NOL4: variants seen among roughly 807,000 people sequenced by gnomAD.
NOL4 encodes nucleolar protein 4.
Under a neutral mutation model 75.9 loss-of-function variants are expected in NOL4, and 17 were observed. That is an observed-to-expected ratio of 0.22 (90% confidence interval 0.15 to 0.34). The LOEUF (loss-of-function observed/expected upper bound fraction) is 0.34, where lower values mean the gene tolerates loss of function less well. Ranked by LOEUF, NOL4 falls within the 10% of genes least tolerant of loss-of-function variation. NOL4 has a pLI of 1.00. For synonymous variants in NOL4, 292 were observed against 289.9 expected (o/e 1.01, Z -0.07); for missense variants, 614 against 793.5 (o/e 0.77, Z 2.72).
intron 1 of NOL4, among the ~76,000 whole-genome samples, chr18:34,165,880 T>C (rs1350819969): frequency 6.6e-6 from 1 of 152,002 alleles, no homozygotes; most frequent in Non-Finnish European, 1.5e-5. Context: ...ATAGGCTTTT[T>C]AAAGTATGTC....
At chr18:34,155,356 A>T (rs536705973) in intron 1 of NOL4, among the ~76,000 whole-genome samples, 42 of 152,098 alleles carry the variant, frequency 2.8e-4, no homozygotes, top group Admixed American at 4.6e-4. Context: ...CATGAAGGAT[A>T]CTAATAACTT....
chr18:33,902,627 C>G (rs74560092), intron 9 of NOL4, among the ~76,000 whole-genome samples: 1 of 152,088 alleles, frequency 6.6e-6, no homozygotes, highest in African/African-American at 2.4e-5. Context: ...CTGGGACACA[C>G]TTTTCCTGTG....
chr18:33,975,155 G>A (rs1349341647), intron 6 of NOL4, among the ~76,000 whole-genome samples: 3 of 152,164 alleles, frequency 2.0e-5, no homozygotes, highest in African/African-American at 7.2e-5. Flanking sequence ...ATAGTTACCA[G>A]TGGCTGGGAG....
At chr18:34,166,864 C>T (rs1220958458) in intron 1 of NOL4, among the ~76,000 whole-genome samples, 3 of 59,494 alleles carry the variant, frequency 5.0e-5, no homozygotes, top group Non-Finnish European at 7.4e-5. Context: ...GGTGAAACCC[C>T]GTCTCTACTA....
intron 9 of NOL4, among the ~76,000 whole-genome samples, chr18:33,897,104 G>A (rs539393031): frequency 6.6e-6 from 1 of 152,094 alleles, no homozygotes; most frequent in East Asian, 1.9e-4. Context: ...TTACTAAAAA[G>A]TCAAAAAGTA....
chr18:34,131,797 A>C (rs1600685116), intron 1 of NOL4, among the ~76,000 whole-genome samples: 1 of 152,180 alleles, frequency 6.6e-6, no homozygotes, highest in Non-Finnish European at 1.5e-5. Flanking sequence ...CCCAGATACT[A>C]CTAAACCCTC....
chr18:34,206,329 G>A (rs1459018649), intron 1 of NOL4, among the ~76,000 whole-genome samples: 1 of 152,086 alleles, frequency 6.6e-6, no homozygotes, highest in Non-Finnish European at 1.5e-5. Flanking sequence ...TAGAATAAGA[G>A]TAATCTACTT....
chr18:33,954,859 G>A (rs1291615461), intron 8 of NOL4, among the ~76,000 whole-genome samples: 1 of 151,926 alleles, frequency 6.6e-6, no homozygotes, highest in Non-Finnish European at 1.5e-5. Flanking sequence ...TCCCTGAAGT[G>A]GAAAAGGTAA....
chr18:33,959,793 T>G (rs562175155), intron 6 of NOL4, among the ~76,000 whole-genome samples: 1 of 152,130 alleles, frequency 6.6e-6, no homozygotes, highest in South Asian at 2.1e-4. Flanking sequence ...ATTCTACAGA[T>G]AAGGAAACAG....
chr18:34,025,165 C>A (rs541926085), intron 5 of NOL4, among the ~76,000 whole-genome samples: 1 of 152,146 alleles, frequency 6.6e-6, no homozygotes, highest in Admixed American at 6.5e-5. Flanking sequence ...TTCCCTTTAT[C>A]AAAACTAATA....
chr18:34,212,272 C>A (rs1370371178), intron 1 of NOL4, among the ~76,000 whole-genome samples: 2 of 152,062 alleles, frequency 1.3e-5, no homozygotes, highest in Non-Finnish European at 2.9e-5. Flanking sequence ...GTCAAATAAT[C>A]TGTGAGAGCT....
intron 1 of NOL4, among the ~76,000 whole-genome samples, chr18:34,150,962 A>G (rs1347612238): frequency 6.6e-6 from 1 of 151,872 alleles, no homozygotes; most frequent in East Asian, 1.9e-4. Context: ...ACCTCACCAA[A>G]GAAGATGCTC....
intron 1 of NOL4, among the ~76,000 whole-genome samples, chr18:34,148,127 G>A (rs148412240): frequency 2.6e-3 from 395 of 151,726 alleles, no homozygotes; most frequent in Non-Finnish European, 4.1e-3. Flanking sequence ...TCTGGCTAGC[G>A]ATCTGTCTAT....
chr18:33,911,995 G>A (rs1359085675), intron 9 of NOL4, among the ~76,000 whole-genome samples: 1 of 152,014 alleles, frequency 6.6e-6, no homozygotes, highest in Non-Finnish European at 1.5e-5. Flanking sequence ...ATACAGAATT[G>A]GGGATGGGAC....
chr18:33,883,421 C>G lies in NOL4; in HGVS notation c.1546G>C (p.Glu516Gln). The change falls in exon 10 of 11, where the codon GAG (glutamate) becomes CAG (glutamine). Residue 516 changes from glutamate (E) to glutamine (Q), a missense_variant. By Grantham distance (29) the Glu-to-Gln change is conservative (BLOSUM62 2). This residue lies in a region of NOL4 where 128 missense variants were observed against 159.9 expected (regional missense o/e 0.80). Coordinates refer to ENST00000261592, the MANE Select transcript of NOL4 (RefSeq NM_003787.5). ...CACTGTTTGTCAGCTGGAGCAGACT[C>G]ATCCTGCAAGGACAGACAGCATTCC... Reference protein sequence around the residue: ...KRMRLERQQDESAPADKQCKP... With the variant: ...KRMRLERQQDQSAPADKQCKP... 2 of 1,604,852 alleles carry G rather than the reference C, an allele frequency of 1.2e-6. No homozygotes were observed. Among genetic ancestry groups the G allele is most frequent in the South Asian group, 2.2e-5 (2 of 89,658 alleles).
intron 9 of NOL4, among the ~76,000 whole-genome samples, chr18:33,891,437 A>G (rs776083809): frequency 6.6e-6 from 1 of 152,180 alleles, no homozygotes; most frequent in Non-Finnish European, 1.5e-5. Flanking sequence ...TCTTTCTGCA[A>G]ATACTTGTAG....
At chr18:34,208,510 T>G (rs1006666209) in intron 1 of NOL4, among the ~76,000 whole-genome samples, 9 of 152,030 alleles carry the variant, frequency 5.9e-5, no homozygotes, top group African/African-American at 2.2e-4. Context: ...AGGTTCAAAA[T>G]GTCAGTTGTA....
intron 5 of NOL4, among the ~76,000 whole-genome samples, chr18:34,022,621 T>G (rs1004105934): frequency 1.3e-5 from 2 of 152,022 alleles, no homozygotes; most frequent in Middle Eastern, 3.4e-3. Flanking sequence ...ATGAAAATAT[T>G]CAACTCCAAT....
chr18:34,049,688 T>C (rs1254098223), intron 5 of NOL4, among the ~76,000 whole-genome samples: 1 of 152,092 alleles, frequency 6.6e-6, no homozygotes, highest in Non-Finnish European at 1.5e-5. Context: ...CCTTTTATGT[T>C]AGGAGCATCT....
Sources: allele counts gnomAD v4.1 joint callset (sites outside exome capture counted in the v4.1 genomes callset), GRCh38; gene constraint gnomAD v4.1.1; regional missense constraint gnomAD v4.1.1; transcripts MANE v1.5; gene names NCBI Gene and HGNC (gene_info 2026-07-23, HGNC 2026-07-21).